Variants in RILPL2 observed in about 807,000 individuals in gnomAD.
RILPL2 encodes the protein RILP-like protein 2.
In RILPL2, 19 loss-of-function variants were observed where a neutral mutation model predicts 22.2. The observed-to-expected ratio is 0.86, with a 90% CI of 0.60 to 1.25. The LOEUF (loss-of-function observed/expected upper bound fraction) is 1.25. RILPL2 is among the 50% of genes most tolerant of loss of function. RILPL2 has a pLI of 0.00. For synonymous variants in RILPL2, 123 were observed against 111.6 expected, an observed-to-expected ratio of 1.10 and a Z score of -0.64; for missense variants, 243 against 263.6, an observed-to-expected ratio of 0.92 and a Z score of 0.54.
At chr12:123,417,819 A>C (rs1044068223) in intron 3 of RILPL2, among the ~76,000 whole-genome samples, 2 of 152,232 alleles carry the variant, frequency 1.3e-5, no homozygotes, top group Non-Finnish European at 2.9e-5. Context: ...TCTGGGCCTC[A>C]GGTGATCTGC....
chr12:123,430,262 A>T (rs1879590592), intron 2 of RILPL2, among the ~76,000 whole-genome samples: 1 of 151,512 alleles, frequency 6.6e-6, no homozygotes, highest in African/African-American at 2.4e-5. Flanking sequence ...ACAAAAAATT[A>T]GCCAGGCACG....
At chr12:123,425,469 G>T (rs1251837364) in intron 2 of RILPL2, among the ~76,000 whole-genome samples, 1 of 151,740 alleles carries the variant, frequency 6.6e-6, no homozygotes, top group Non-Finnish European at 1.5e-5. Flanking sequence ...GTGAGCCATC[G>T]TGCCTGGCCG....
chr12:123,420,857 A>T (rs999812703), intron 3 of RILPL2, among the ~76,000 whole-genome samples: 14 of 152,086 alleles, frequency 9.2e-5, no homozygotes, highest in Admixed American at 6.6e-5. Flanking sequence ...TGCACTTAGG[A>T]GGTAAATAGA....
downstream of RILPL2, chr12:123,410,696 G>A (rs1296662611): frequency 6.8e-6 from 1 of 146,574 alleles, no homozygotes; most frequent in African/African-American, 2.6e-5. Flanking sequence ...TGATTGTGAG[G>A]ATTTAATGAG....
chr12:123,411,527 G>A (rs893351474), downstream of RILPL2: 1 of 144,282 alleles, frequency 6.9e-6, no homozygotes, highest in Non-Finnish European at 1.5e-5. Flanking sequence ...CACCTCCTGT[G>A]CCTTCTGAGA....
At chr12:123,413,603 T>C (rs1371196381), downstream of RILPL2, 1 of 152,170 alleles carries the variant, frequency 6.6e-6, no homozygotes, top group Non-Finnish European at 1.5e-5. Flanking sequence ...GTAGTAAGAT[T>C]TATTGCAAAG....
intron 1 of RILPL2, among the ~76,000 whole-genome samples, chr12:123,434,331 C>A (rs1879728214): frequency 6.6e-6 from 1 of 151,896 alleles, no homozygotes; most frequent in Admixed American, 6.6e-5. Flanking sequence ...AGTGGGAGGA[C>A]TGCTTGAGCC....
intron 2 of RILPL2, among the ~76,000 whole-genome samples, chr12:123,429,364 C>T (rs896670024): frequency 7.2e-5 from 11 of 152,130 alleles, no homozygotes; most frequent in Admixed American, 2.6e-4. Context: ...GGCACGATCT[C>T]GGCTCACTGC....
intron 1 of RILPL2, among the ~76,000 whole-genome samples, chr12:123,431,595 G>A (rs193008121): frequency 1.3e-5 from 2 of 151,954 alleles, no homozygotes; most frequent in South Asian, 2.1e-4. Flanking sequence ...AGGCCGAGGC[G>A]GGCGGATCAC....
At chr12:123,429,616 T>G (rs894770479) in intron 2 of RILPL2, among the ~76,000 whole-genome samples, 11 of 150,992 alleles carry the variant, frequency 7.3e-5, no homozygotes, top group Non-Finnish European at 1.5e-4. Context: ...TTTGTTTCGT[T>G]TTTTTTTTGA....
chr12:123,432,527 CA>C (rs1879681418), intron 1 of RILPL2, among the ~76,000 whole-genome samples: 1 of 152,118 alleles, frequency 6.6e-6, no homozygotes, highest in Admixed American at 6.6e-5. Context: ...AGAAAAAAAA[CA>C]AGGCATATTT....
At chr12:123,418,756 C>CTTTTTTTTTTTTTTTTTTTTTTT (rs1202023726) in intron 3 of RILPL2, among the ~76,000 whole-genome samples, 3 of 96,240 alleles carry the variant, frequency 3.1e-5, no homozygotes, top group East Asian at 3.3e-4. Context: ...CTTTTTCTTT[C>CTTTTTTTTTTTTTTTTTTTTTTT]TTTTTTTTTT....
intron 3 of RILPL2, among the ~76,000 whole-genome samples, chr12:123,421,110 TC>T (rs1879271714): frequency 6.6e-6 from 1 of 151,266 alleles, no homozygotes; most frequent in African/African-American, 2.4e-5. Context: ...TGGCACCATC[TC>T]GGCTCACCTC....
chr12:123,425,569 C>T (rs1879422114), intron 2 of RILPL2, among the ~76,000 whole-genome samples: 1 of 152,006 alleles, frequency 6.6e-6, no homozygotes, highest in Admixed American at 6.6e-5. Flanking sequence ...ATACCTCTTT[C>T]AGTGTGAGTG....
Position 123,415,692 on chromosome 12 carries a change from C to A in RILPL2, c.*199G>T. The A allele has an allele frequency of 1.4e-6, 1 of 692,056 alleles. No individual in the cohort carries two copies. 42.9% of individuals were successfully genotyped at this position (692,056 alleles called of 1,614,324 possible). A position where few individuals can be genotyped will look rare whatever the true frequency, so the allele number is the denominator to read the frequency against. On this transcript the variant is annotated 3_prime_UTR_variant, in exon 4 of 4. Coordinates refer to ENST00000280571, the MANE Select transcript of RILPL2 (RefSeq NM_145058.3). ...TCAGTCTCACTGGCCCAGGCCAAATCTTCAAGGGTGTCTAGTTCTGCAGCC... is the reference window on the plus strand; with the variant it reads ...TCAGTCTCACTGGCCCAGGCCAAATATTCAAGGGTGTCTAGTTCTGCAGCC...
chr12:123,428,907 T>G (rs1277881796), intron 2 of RILPL2, among the ~76,000 whole-genome samples: 1 of 152,202 alleles, frequency 6.6e-6, no homozygotes, highest in African/African-American at 2.4e-5. Flanking sequence ...ATTGCCCTGG[T>G]TTTTCCTTCC....
intron 1 of RILPL2, among the ~76,000 whole-genome samples, chr12:123,432,360 G>C (rs1345758140): frequency 1.3e-5 from 2 of 152,064 alleles, no homozygotes; most frequent in Non-Finnish European, 2.9e-5. Flanking sequence ...CAAAAATTAG[G>C]TGGCCATAGT....
intron 2 of RILPL2, among the ~76,000 whole-genome samples, chr12:123,426,416 G>C (rs1879443178): frequency 6.6e-6 from 1 of 152,150 alleles, no homozygotes. Flanking sequence ...TCCTCCCAAA[G>C]TGTTGGGATT....
chr12:123,421,904 G>A (rs1489428246), intron 3 of RILPL2, among the ~76,000 whole-genome samples: 1 of 151,776 alleles, frequency 6.6e-6, no homozygotes, highest in African/African-American at 2.4e-5. Flanking sequence ...CTGACCTCAG[G>A]TGATCTGCCC....
Sources: gnomAD v4.1 joint callset for allele counts (sites outside exome capture counted in the v4.1 genomes callset) on GRCh38, gnomAD v4.1.1 for gene constraint, MANE v1.5 for transcripts, NCBI Gene and HGNC (gene_info 2026-07-23, HGNC 2026-07-21) for gene names.